Variants in ATP2B3 observed in about 807,000 individuals in gnomAD.
ATP2B3 encodes plasma membrane calcium-transporting ATPase 3.
A neutral mutation model predicts 70.8 loss-of-function variants in ATP2B3; 12 were observed. That is an observed-to-expected ratio of 0.17 (90% CI 0.11 to 0.27). The LOEUF (loss-of-function observed/expected upper bound fraction) is 0.27. Among genes scored for constraint, ATP2B3 ranks in the 10% least tolerant of loss-of-function variants. The pLI, the probability that ATP2B3 is intolerant of heterozygous loss-of-function variation, is 1.00. For missense variants in ATP2B3, 858 were observed against 1,118.5 expected (o/e 0.77, Z 3.32); for synonymous variants, 460 against 497.8 (o/e 0.92, Z 1.01).
chrX:153,563,534 C>T lies in ATP2B3; in HGVS notation c.3159+1292C>T, dbSNP rs139101122. On this transcript the variant is annotated intron_variant, in intron 20 of 21. Transcript: ENST00000263519. ...TTGCTGGCCCCAGCATTAGTGTCCT[C>T]GGGGACAGCCCACCCAGTTCCTGTT... Among the ~76,000 whole-genome samples, 304 of 112,156 alleles carry T rather than the reference C, an allele frequency of 2.7e-3. 2 individuals are homozygous for T. Among genetic ancestry groups the T allele is most frequent in the African/African-American group, 9.4e-3 (289 of 30,873 alleles).
chrX:153,526,049 G>A (rs1285083748), intron 2 of ATP2B3, among the ~76,000 whole-genome samples: 5 of 113,096 alleles, frequency 4.4e-5, no homozygotes. Context: ...GAAGGAGGAA[G>A]CTGGGCTATA....
At chrX:153,576,347 T>C (rs189292165) in intron 21 of ATP2B3, among the ~76,000 whole-genome samples, 1 of 111,172 alleles carries the variant, frequency 9.0e-6, no homozygotes, top group East Asian at 2.9e-4. Flanking sequence ...TGGAAGATGC[T>C]TTTGAGTTAG....
intron 20 of ATP2B3, among the ~76,000 whole-genome samples, chrX:153,562,565 AG>A (rs2090640491): frequency 8.9e-6 from 1 of 112,125 alleles, no homozygotes; most frequent in African/African-American, 3.2e-5. Flanking sequence ...TCAATCAAAC[AG>A]CACCCTGATC....
chrX:153,535,317 G>A (rs1429919834), intron 2 of ATP2B3, among the ~76,000 whole-genome samples: 1 of 112,136 alleles, frequency 8.9e-6, no homozygotes, highest in Non-Finnish European at 1.9e-5. Flanking sequence ...GAGGGAAGAA[G>A]AGCGTGGAGG....
At chrX:153,537,492 C>T (rs1009064765) in intron 3 of ATP2B3, among the ~76,000 whole-genome samples, 1 of 113,469 alleles carries the variant, frequency 8.8e-6, no homozygotes, top group East Asian at 2.8e-4. Context: ...GCCTCGGCCC[C>T]GTCTGTCTGC....
chrX:153,523,027 C>T (rs1481630597), intron 2 of ATP2B3, among the ~76,000 whole-genome samples: 1 of 111,873 alleles, frequency 8.9e-6, no homozygotes, highest in Non-Finnish European at 1.9e-5. Flanking sequence ...GTAAATCCAA[C>T]ATCTCCATTT....
chrX:153,536,176 A>G lies in ATP2B3; in HGVS notation c.-72A>G. ...CGCCAAACCTTGCCTGGGCACTGGG[A>G]CCGTGGGTGGCCGCCTGTCCCTAGC... On this transcript the variant is annotated 5_prime_UTR_variant, in exon 3 of 22. Coordinates refer to ENST00000263519, the MANE Select transcript of ATP2B3 (RefSeq NM_001001344.3). The G allele has an allele frequency of 8.9e-7, 1 of 1,121,937 alleles. No homozygotes were observed. Among genetic ancestry groups the G allele is most frequent in the Non-Finnish European group, 1.2e-6 (1 of 831,577 alleles). 92.5% of individuals were successfully genotyped at this position (1,121,937 alleles called of 1,213,427 possible).
At chrX:153,520,737 G>A (rs1290872774) in intron 2 of ATP2B3, among the ~76,000 whole-genome samples, 6 of 112,472 alleles carry the variant, frequency 5.3e-5, no homozygotes, top group Admixed American at 2.8e-4. Context: ...ATCAGGCTCC[G>A]GAGTCTGGTC....
At chrX:153,535,320 C>T (rs1343408780) in intron 2 of ATP2B3, among the ~76,000 whole-genome samples, 2 of 111,881 alleles carry the variant, frequency 1.8e-5, no homozygotes, top group Non-Finnish European at 3.8e-5. Context: ...GGAAGAAGAG[C>T]GTGGAGGGGA....
In ATP2B3 at chrX:153,544,787, C is replaced by G. The variant is rs190884863; in HGVS notation, c.917-1301C>G. ...GTGCTTCTCCTCCTCACCTTCCCCC[C>G]ACTCCTGTCTCTTCTGGCGGGGCCC... On this transcript the variant is annotated intron_variant, in intron 7 of 21. Transcript: ENST00000263519. 2.7e-5 allele frequency among the ~76,000 whole-genome samples: 3 copies of G among 112,715 alleles called. No individual in the cohort carries two copies. In the East Asian group the frequency reaches 8.5e-4, roughly 32 times the overall value.
chrX:153,530,254 G>A (rs1557001418), intron 2 of ATP2B3, among the ~76,000 whole-genome samples: 1 of 112,305 alleles, frequency 8.9e-6, no homozygotes, highest in African/African-American at 3.2e-5. Context: ...CCCAGGGGTT[G>A]GGGTGCTTTA....
chrX:153,541,496 G>T lies in ATP2B3; in HGVS notation c.346G>T (p.Val116Leu), dbSNP rs781885099. The T allele has an allele frequency of 8.3e-7, 1 of 1,210,202 alleles. No individual in the cohort carries two copies. Among genetic ancestry groups the T allele is most frequent in the South Asian group, 1.8e-5 (1 of 56,769 alleles). Residue 116 changes from valine to leucine, a missense_variant, in exon 4 of 22, where the codon GTG becomes TTG. Val to Leu is a conservative substitution (Grantham distance 32). This residue lies in a region of ATP2B3 where 278 missense variants were observed against 366.2 expected (regional missense o/e 0.76). Transcript: ENST00000263519. ...GGACGTGACCCTCATCATCCTGGAGGTGGCTGCCATCGTCTCTCTGGGCCT... is the reference window on the plus strand; with the variant it reads ...GGACGTGACCCTCATCATCCTGGAGTTGGCTGCCATCGTCTCTCTGGGCCT... ...LQDVTLIILE[V>L]AAIVSLGLSF...
At chrX:153,534,289 T>C (rs2090158160) in intron 2 of ATP2B3, among the ~76,000 whole-genome samples, 2 of 112,026 alleles carry the variant, frequency 1.8e-5, no homozygotes, top group Non-Finnish European at 3.8e-5. Flanking sequence ...GACACCCAGC[T>C]GTCCTCTGGC....
chrX:153,530,926 A>G (rs1009662714), intron 2 of ATP2B3, among the ~76,000 whole-genome samples: 13 of 112,465 alleles, frequency 1.2e-4, no homozygotes, highest in Non-Finnish European at 1.9e-4. Flanking sequence ...GTGAGGGCCC[A>G]GGAGCTGCAG....
intron 10 of ATP2B3, 70 bp from the exon 11 acceptor site, chrX:153,549,427 T>G: frequency 8.3e-7 from 1 of 1,198,503 alleles, no homozygotes; most frequent in Non-Finnish European, 1.1e-6. Context: ...GCGATGTTTG[T>G]GTTGACATCT....
chrX:153,554,790 G>A (rs1557012937), intron 13 of ATP2B3, among the ~76,000 whole-genome samples: 1 of 112,667 alleles, frequency 8.9e-6, no homozygotes, highest in Non-Finnish European at 1.9e-5. Context: ...CCAGACACCT[G>A]GCTGGCTGCT....
intron 3 of ATP2B3, among the ~76,000 whole-genome samples, chrX:153,538,172 G>A (rs1024473604): frequency 1.1e-4 from 12 of 112,883 alleles, no homozygotes; most frequent in Non-Finnish European, 1.9e-4. Context: ...TAGCCCGGCC[G>A]TGCACCCGGA....
Position 153,547,980 on chromosome X carries a change from C to T in ATP2B3, c.1104C>T (p.Ala368=), listed in dbSNP as rs782490524. 5.3e-5 allele frequency: 64 copies of T among 1,204,147 alleles called. No individual in the cohort carries two copies. Among genetic ancestry groups the T allele is most frequent in the South Asian group, 1.1e-4 (6 of 55,357 alleles). The change falls in exon 9 of 22, where the codon GCC becomes GCT. Residue 368 remains alanine, a synonymous_variant. Coordinates refer to ENST00000263519, the MANE Select transcript of ATP2B3 (RefSeq NM_001001344.3). ...SVLQGKLTKL[A]VQIGKAGLVM... is the part of the protein sequence containing the mutation. ...TTCAGGGGAAGCTCACAAAGCTAGC[C>T]GTGCAGATCGGGAAAGCAGGTAGGG... is the stretch of plus-strand genomic sequence containing the variant.
chrX:153,530,663 T>G (rs1235704726), intron 2 of ATP2B3, among the ~76,000 whole-genome samples: 2 of 110,017 alleles, frequency 1.8e-5, no homozygotes, highest in African/African-American at 6.6e-5. Flanking sequence ...GGGCAGAGCT[T>G]CAGGCAGGTG....
Sources: allele counts gnomAD v4.1 joint callset (sites outside exome capture counted in the v4.1 genomes callset), GRCh38; gene constraint gnomAD v4.1.1; regional missense constraint gnomAD v4.1.1; transcripts MANE v1.5; gene names NCBI Gene and HGNC (gene_info 2026-07-23, HGNC 2026-07-21).